Variants in FAM81A observed in about 807,000 individuals in gnomAD.
FAM81A encodes protein FAM81A.
A neutral mutation model predicts 46.7 loss-of-function variants in FAM81A; 19 were observed. The observed-to-expected ratio is 0.41, with a 90% CI of 0.28 to 0.60. The LOEUF (loss-of-function observed/expected upper bound fraction) is 0.60. Ranked by LOEUF, FAM81A falls within the 20% of genes least tolerant of loss-of-function variation. The probability of loss-of-function intolerance (pLI) is 0.34; values close to 1 mark genes in which losing one functional copy is unlikely to be tolerated. For synonymous variants in FAM81A, 183 were observed against 152.9 expected, an observed-to-expected ratio of 1.20 and a Z score of -1.45; for missense variants, 377 against 453.5, an observed-to-expected ratio of 0.83 and a Z score of 1.53.
chr15:59,515,050 G>T (rs542594341), intron 7 of FAM81A, among the ~76,000 whole-genome samples: 134 of 152,202 alleles, frequency 8.8e-4, no homozygotes, highest in African/African-American at 2.7e-3. Context: ...TTCGAGACCA[G>T]CCTGGGAAAC....
intron 6 of FAM81A, among the ~76,000 whole-genome samples, chr15:59,514,081 G>A (rs901490687): frequency 1.3e-5 from 2 of 152,008 alleles, no homozygotes; most frequent in African/African-American, 4.8e-5. Flanking sequence ...TGGGGGCATG[G>A]GGGGGGCAAG....
intron 1 of FAM81A, chr15:59,440,162 C>T (rs2081282283): frequency 6.6e-6 from 1 of 152,234 alleles, no homozygotes; most frequent in Non-Finnish European, 1.5e-5. Context: ...TCCTTCTTAT[C>T]TTCTGGTCCA....
In FAM81A at chr15:59,465,852, C is replaced by T. The variant is rs546626740; in HGVS notation, c.294+5646C>T. On this transcript the variant is annotated intron_variant, in intron 3 of 8. Coordinates refer to ENST00000288228, the MANE Select transcript of FAM81A (RefSeq NM_152450.3). Reference sequence around the variant, plus strand: ...TAATGCTATCCCGCCCCCAGCCCCCCGTCCGCTGACAGACCCCGGTGTGTG... The same window carrying T: ...TAATGCTATCCCGCCCCCAGCCCCCTGTCCGCTGACAGACCCCGGTGTGTG... Among the ~76,000 whole-genome samples the T allele has an allele frequency of 1.8e-4, 27 of 152,252 alleles. No individual in the cohort carries two copies. The East Asian group carries it at 3.3e-3, about 19-fold the overall frequency.
chr15:59,483,722 T>G (rs1461743372), intron 3 of FAM81A, among the ~76,000 whole-genome samples: 2 of 152,182 alleles, frequency 1.3e-5, no homozygotes, highest in African/African-American at 4.8e-5. Context: ...GGTGGTTTAG[T>G]GTGCCTGTCT....
chr15:59,488,949 A>G (rs1454381608), intron 3 of FAM81A, among the ~76,000 whole-genome samples: 1 of 150,658 alleles, frequency 6.6e-6, no homozygotes, highest in Non-Finnish European at 1.5e-5. Context: ...GGTTCAGCGC[A>G]AGACCCTGTC....
Position 59,460,518 on chromosome 15 carries a change from T to C in FAM81A, c.294+312T>C, listed in dbSNP as rs2081539285. ...AAGAACTAGTCGAATAGTTTCACTCTATAATCTTTCATATCTTTGAAGACA... is the reference window on the plus strand; with the variant it reads ...AAGAACTAGTCGAATAGTTTCACTCCATAATCTTTCATATCTTTGAAGACA... On this transcript the variant is annotated intron_variant, in intron 3 of 8. Coordinates refer to ENST00000288228, the MANE Select transcript of FAM81A (RefSeq NM_152450.3). This position sits in a 1 kb window ranked among gnomAD's most constrained non-coding sequence, Gnocchi z 4.4. 1 of 423,802 alleles carries C rather than the reference T, an allele frequency of 2.4e-6. No individual in the cohort carries two copies. Among genetic ancestry groups the C allele is most frequent in the South Asian group, 2.1e-5 (1 of 47,408 alleles). The allele number at this position is 423,802 out of a possible 1,614,324, so 26.3% of individuals were successfully genotyped here. A position where few individuals can be genotyped will look rare whatever the true frequency, so the allele number is the denominator to read the frequency against.
At chr15:59,427,887 G>A (rs907136898) in intron 2 of FAM81A, among the ~76,000 whole-genome samples, 3 of 152,128 alleles carry the variant, frequency 2.0e-5, no homozygotes, top group East Asian at 1.9e-4. Flanking sequence ...ATATCTCTTC[G>A]ATATACTGAT....
chr15:59,456,065 A>G (rs2081479731), intron 1 of FAM81A, among the ~76,000 whole-genome samples: 1 of 152,214 alleles, frequency 6.6e-6, no homozygotes, highest in South Asian at 2.1e-4. Flanking sequence ...AAACAACTAA[A>G]AAGAATAGAG....
At chr15:59,421,790 T>TCTATCTACCTACCTAC (rs1555426023) in intron 2 of FAM81A, among the ~76,000 whole-genome samples, 1 of 143,392 alleles carries the variant, frequency 7.0e-6, no homozygotes, top group Non-Finnish European at 1.5e-5. Flanking sequence ...TATCTATCTA[T>TCTATCTACCTACCTAC]CTACCTACCT....
intron 2 of FAM81A, among the ~76,000 whole-genome samples, chr15:59,410,533 T>G (rs539339789): frequency 2.0e-5 from 1 of 49,386 alleles, no homozygotes; most frequent in African/African-American, 5.6e-5. Flanking sequence ...GAATATGAGC[T>G]GTGGACTACG....
intron 3 of FAM81A, among the ~76,000 whole-genome samples, chr15:59,468,331 C>G (rs1396187221): frequency 6.6e-6 from 1 of 152,200 alleles, no homozygotes; most frequent in African/African-American, 2.4e-5. Context: ...GTGAATCCGT[C>G]TGGTCCTGGA....
At chr15:59,400,936 A>C (rs2081067539) in intron 1 of FAM81A, among the ~76,000 whole-genome samples, 1 of 152,216 alleles carries the variant, frequency 6.6e-6, no homozygotes, top group African/African-American at 2.4e-5. Context: ...AAGGGCTACA[A>C]AGGTTTCAAA....
chr15:59,420,330 C>T (rs889493911), intron 2 of FAM81A, among the ~76,000 whole-genome samples: 22 of 152,254 alleles, frequency 1.4e-4, no homozygotes, highest in African/African-American at 4.6e-4. Flanking sequence ...CATATGTAGG[C>T]GGGGACATCT....
chr15:59,426,203 C>G (rs1416633228), intron 2 of FAM81A, among the ~76,000 whole-genome samples: 3 of 152,006 alleles, frequency 2.0e-5, no homozygotes, highest in Non-Finnish European at 4.4e-5. Flanking sequence ...CAGTAAGACT[C>G]TTAAAGAAAT....
intron 2 of FAM81A, 116 bp downstream of exon 2, chr15:59,458,762 C>A: frequency 1.1e-6 from 1 of 915,964 alleles, no homozygotes; most frequent in Non-Finnish European, 1.8e-6. Context: ...GCAAGAGAAA[C>A]ACTATTGTGT....
chr15:59,422,198 C>A (rs933568800), intron 2 of FAM81A, among the ~76,000 whole-genome samples: 18 of 151,828 alleles, frequency 1.2e-4, no homozygotes, highest in African/African-American at 4.4e-4. Flanking sequence ...ACTAGCCTGG[C>A]CAACATAGTG....
intron 1 of FAM81A, among the ~76,000 whole-genome samples, chr15:59,443,786 A>G (rs1385381720): frequency 6.6e-6 from 1 of 151,980 alleles, no homozygotes; most frequent in East Asian, 1.9e-4. Flanking sequence ...TTCTGTGCCT[A>G]CTGTCTCTCT....
At chr15:59,401,519 G>A (rs1270087354) in intron 1 of FAM81A, 3 of 748,866 alleles carry the variant, frequency 4.0e-6, no homozygotes, top group East Asian at 2.4e-5. Flanking sequence ...TGGTATTCTT[G>A]TAAAGCCATC....
chr15:59,514,543 A>G, intron 7 of FAM81A, 119 bp downstream of exon 7: 2 of 1,295,266 alleles, frequency 1.5e-6, no homozygotes, highest in Non-Finnish European at 2.1e-6. Flanking sequence ...TCTTGCCTTA[A>G]AATCCATTTC....
Sources: allele counts gnomAD v4.1 joint callset (sites outside exome capture counted in the v4.1 genomes callset), GRCh38; gene constraint gnomAD v4.1.1; non-coding constraint Gnocchi (gnomAD v3.1); transcripts MANE v1.5; gene names NCBI Gene and HGNC (gene_info 2026-07-23, HGNC 2026-07-21).